Variants in CD99L2 observed in about 807,000 individuals in gnomAD.
CD99L2 encodes the protein CD99 antigen-like protein 2.
CD99L2 carries 24 observed loss-of-function variants against 27.3 expected under a neutral mutation model. That is an observed-to-expected ratio of 0.88 (90% confidence interval 0.64 to 1.24). CD99L2 has a LOEUF of 1.24. CD99L2 is among the 50% of genes most tolerant of loss of function. The pLI is 0.00. For missense variants in CD99L2, 255 were observed against 221.6 expected (o/e 1.15, Z -0.96); for synonymous variants, 97 against 87.9 (o/e 1.10, Z -0.58).
At chrX:150,831,321 A>C in intron 1 of CD99L2, 28 bp from the exon 2 acceptor site, 1 of 1,083,916 alleles carries the variant, frequency 9.2e-7, no homozygotes, top group Non-Finnish European at 1.3e-6. Context: ...AAATTAAACT[A>C]TCTTTGCATA....
chrX:150,783,785 C>T (rs1002473221), intron 7 of CD99L2, among the ~76,000 whole-genome samples: 2 of 111,849 alleles, frequency 1.8e-5, no homozygotes, highest in Non-Finnish European at 3.8e-5. Context: ...CAGTGAAATG[C>T]TGGGTGCTGC....
At chrX:150,817,972 A>G (rs1195487266) in intron 2 of CD99L2, among the ~76,000 whole-genome samples, 18 of 110,793 alleles carry the variant, frequency 1.6e-4, no homozygotes, top group Admixed American at 1.5e-3. Context: ...TTTACATTAT[A>G]ACAAAAATTG....
At chrX:150,817,994 A>C (rs934312622) in intron 2 of CD99L2, among the ~76,000 whole-genome samples, 1 of 109,824 alleles carries the variant, frequency 9.1e-6, no homozygotes, top group Non-Finnish European at 1.9e-5. Flanking sequence ...TAATGGAGTC[A>C]AAGAGTGACA....
intron 1 of CD99L2, among the ~76,000 whole-genome samples, chrX:150,855,267 C>T (rs1326866254): frequency 8.9e-6 from 1 of 111,868 alleles, no homozygotes; most frequent in African/African-American, 3.3e-5. Context: ...GGTCCCATAT[C>T]CAGTGTGGCT....
rs782062258 is a variant in CD99L2, at chrX:150,866,101, C to A, written c.67+32421G>T. ...TTGTGCCACTGCACTCCAGCCTGGG[C>A]AACAGAGTGAGACCCTGTCTCAAAA... On this transcript the variant is annotated intron_variant, in intron 1 of 10. Coordinates refer to ENST00000370377, the MANE Select transcript of CD99L2 (RefSeq NM_031462.4). Among the ~76,000 whole-genome samples, 11 of 111,767 alleles carry A rather than the reference C, an allele frequency of 9.8e-5. No homozygotes were observed. In the South Asian group the frequency reaches 3.7e-3, roughly 38 times the overall value.
rs1193252709 is a variant in CD99L2, at chrX:150,793,689, A to G, written c.496+2T>C. The G allele has an allele frequency of 8.4e-7, 1 of 1,187,253 alleles. No individual in the cohort carries two copies. Among genetic ancestry groups the G allele is most frequent in the East Asian group, 3.1e-5 (1 of 32,678 alleles). On this transcript the variant is annotated splice_donor_variant, in intron 7 of 10. Coordinates refer to ENST00000370377, the MANE Select transcript of CD99L2 (RefSeq NM_031462.4). LOFTEE classifies it high-confidence loss of function. ...TGTGTTGGCACAAATCAATGCTCCT[A>G]CCTTTACCCTTGTCAGGTTTGTATT...
chrX:150,895,590 CAG>C (rs2047592794), intron 1 of CD99L2, among the ~76,000 whole-genome samples: 1 of 111,533 alleles, frequency 9.0e-6, no homozygotes, highest in Admixed American at 9.6e-5. Flanking sequence ...AATGCCACTC[CAG>C]GGCCCAAGAA....
chrX:150,890,014 G>A (rs943484615), intron 1 of CD99L2, among the ~76,000 whole-genome samples: 84 of 110,190 alleles, frequency 7.6e-4, no homozygotes, highest in African/African-American at 2.5e-3. Context: ...TTAGCTGGGC[G>A]TGGAGGTGGG....
chrX:150,802,331 A>G (rs1557420103), intron 4 of CD99L2, among the ~76,000 whole-genome samples: 1 of 110,518 alleles, frequency 9.0e-6, no homozygotes, highest in Non-Finnish European at 1.9e-5. Context: ...TGAGAGGCCA[A>G]AGTGGGCAGA....
At chrX:150,861,796 C>T (rs1410454352) in intron 1 of CD99L2, among the ~76,000 whole-genome samples, 4 of 108,430 alleles carry the variant, frequency 3.7e-5, no homozygotes, top group South Asian at 4.1e-4. Context: ...ATCTCAGCTA[C>T]TCGGGAGGCT....
Position 150,898,633 on chromosome X carries a change from A to T in CD99L2, c.-45T>A. 1.9e-6 allele frequency: 2 copies of T among 1,052,003 alleles called. No homozygotes were observed. The highest frequency in any genetic ancestry group is 2.5e-6 in the Non-Finnish European group (2 of 811,586). 86.7% of individuals were successfully genotyped at this position (1,052,003 alleles called of 1,213,427 possible). On this transcript the variant is annotated 5_prime_UTR_variant, in exon 1 of 11. Coordinates refer to ENST00000370377, the MANE Select transcript of CD99L2 (RefSeq NM_031462.4). ...GCCCCGGAGGAGCACAGTTAGCGCG[A>T]GAGCGCCCGAAGGGGAGGCCGAGGA... is the stretch of plus-strand genomic sequence containing the variant.
At chrX:150,789,273 C>G (rs2045647665) in intron 7 of CD99L2, among the ~76,000 whole-genome samples, 1 of 109,366 alleles carries the variant, frequency 9.1e-6, no homozygotes, top group Non-Finnish European at 1.9e-5. Context: ...CAGGCACGTG[C>G]TACCATGCCC....
At chrX:150,790,760 T>C (rs1486584129) in intron 7 of CD99L2, among the ~76,000 whole-genome samples, 1 of 111,937 alleles carries the variant, frequency 8.9e-6, no homozygotes, top group East Asian at 2.8e-4. Context: ...TGGCACTGGA[T>C]TACAGTTGGA....
chrX:150,831,689 A>AC (rs2038960776), intron 1 of CD99L2, among the ~76,000 whole-genome samples: 1 of 110,837 alleles, frequency 9.0e-6, no homozygotes. Context: ...TGTACAACAA[A>AC]CCCCCATGAT....
intron 2 of CD99L2, among the ~76,000 whole-genome samples, chrX:150,825,767 C>A (rs782784055): frequency 3.6e-5 from 4 of 112,253 alleles, no homozygotes; most frequent in African/African-American, 1.3e-4. Context: ...TTCTGTGAAG[C>A]CTTTCTCAAA....
At chrX:150,871,004 C>A (rs2047148519) in intron 1 of CD99L2, among the ~76,000 whole-genome samples, 1 of 112,281 alleles carries the variant, frequency 8.9e-6, no homozygotes, top group African/African-American at 3.2e-5. Flanking sequence ...GCCTCCCACA[C>A]ACAAAAGGAT....
chrX:150,857,013 G>T (rs893383306), intron 1 of CD99L2, among the ~76,000 whole-genome samples: 1 of 110,687 alleles, frequency 9.0e-6, no homozygotes, highest in Non-Finnish European at 1.9e-5. Context: ...TCAAACAGAA[G>T]AAAGAATCTC....
rs184725118 is a variant in CD99L2 at position 150,873,989 on chromosome X, G to C, written c.67+24533C>G. 3.5e-5 allele frequency among the ~76,000 whole-genome samples: 4 copies of C among 112,765 alleles called. No homozygotes were observed. In the East Asian group the frequency reaches 1.1e-3, roughly 31 times the overall value. ...CTTTCATTTCAAAGGAAATCCTGCA[G>C]TGAATGCTTTTCATAGGGTTATAGA... is the stretch of plus-strand genomic sequence containing the variant. On this transcript the variant is annotated intron_variant, in intron 1 of 10. Transcript: ENST00000370377.
In CD99L2 at chrX:150,775,861, A is replaced by G. The variant is rs181614993; in HGVS notation, c.655+313T>C. Among the ~76,000 whole-genome samples, 61 of 112,350 alleles carry G rather than the reference A, an allele frequency of 5.4e-4. 1 individual carries two copies. In the East Asian group the frequency reaches 0.012, roughly 22 times the overall value. ...ATGGGTGCAGTCCAGGGTCCCTCCC[A>G]TTCTACGTGAAGGAAACATCACAGT... On this transcript the variant is annotated intron_variant, in intron 9 of 10. Transcript: ENST00000370377.
Sources: gnomAD v4.1 joint callset for allele counts (sites outside exome capture counted in the v4.1 genomes callset) on GRCh38, gnomAD v4.1.1 for gene constraint, MANE v1.5 for transcripts, NCBI Gene and HGNC (gene_info 2026-07-23, HGNC 2026-07-21) for gene names.